The following COL24A1 variants were observed in gnomAD, a reference collection of about 807,000 sequenced individuals.
COL24A1 encodes collagen alpha-1(XXIV) chain.
Under a neutral mutation model 253.9 loss-of-function variants are expected in COL24A1, and 224 were observed. The observed-to-expected ratio is 0.88, with a 90% CI of 0.79 to 0.99. The LOEUF (loss-of-function observed/expected upper bound fraction) is 0.99. Ranked by LOEUF, COL24A1 falls within the 50% of genes least tolerant of loss-of-function variation. The pLI, the probability that COL24A1 is intolerant of heterozygous loss-of-function variation, is 0.00. For synonymous variants in COL24A1, 685 were observed against 673.7 expected, an observed-to-expected ratio of 1.02 and a Z score of -0.26; for missense variants, 2,131 against 2,068.5, an observed-to-expected ratio of 1.03 and a Z score of -0.59.
chr1:85,933,620 C>G (rs1259328233), intron 24 of COL24A1, among the ~76,000 whole-genome samples: 1 of 152,168 alleles, frequency 6.6e-6, no homozygotes. Flanking sequence ...GGTGCTGTGA[C>G]TTATTCTCAT....
At chr1:85,954,889 T>C (rs975785046) in intron 24 of COL24A1, among the ~76,000 whole-genome samples, 3 of 152,194 alleles carry the variant, frequency 2.0e-5, no homozygotes, top group Non-Finnish European at 2.9e-5. Context: ...TCTTCCTGCA[T>C]GGCTGAATGG....
intron 41 of COL24A1, 80 bp from the exon 42 acceptor site, chr1:85,841,358 T>C (rs1452694834): frequency 7.1e-6 from 7 of 986,404 alleles, no homozygotes; most frequent in African/African-American, 3.4e-5. Flanking sequence ...TATTTTTAAG[T>C]ATATTAGAAA....
intron 7 of COL24A1, among the ~76,000 whole-genome samples, chr1:86,085,173 T>A (rs1702971349): frequency 6.6e-6 from 1 of 152,196 alleles, no homozygotes; most frequent in Admixed American, 6.5e-5. Context: ...AAGAACTGCA[T>A]ACTTTTGGGG....
chr1:86,081,470 GT>G (rs1702636708), intron 7 of COL24A1, among the ~76,000 whole-genome samples: 1 of 152,062 alleles, frequency 6.6e-6, no homozygotes, highest in Non-Finnish European at 1.5e-5. Flanking sequence ...CCAGCTATTT[GT>G]TTTAAAATTC....
rs565581585 is a variant in COL24A1 at position 86,029,634 on chromosome 1, G to A, written c.2049+2244C>T. Reference sequence around the variant, plus strand: ...TGATTTTTTTTTTTTTTTTTTTAGAGAGATGGGGTCTTGCTTCATCACCTA... The same window carrying A: ...TGATTTTTTTTTTTTTTTTTTTAGAAAGATGGGGTCTTGCTTCATCACCTA... On this transcript the variant is annotated intron_variant, in intron 14 of 59. Transcript: ENST00000370571. Among the ~76,000 whole-genome samples the A allele has an allele frequency of 5.1e-5, 7 of 136,480 alleles. No individual in the cohort carries two copies. In the South Asian group the frequency reaches 1.7e-3, roughly 33 times the overall value. 89.5% of individuals were successfully genotyped at this position (136,480 alleles called of 152,430 possible).
At chr1:85,957,298 G>A (rs1445670139) in intron 24 of COL24A1, among the ~76,000 whole-genome samples, 1 of 152,060 alleles carries the variant, frequency 6.6e-6, no homozygotes, top group Admixed American at 6.6e-5. Context: ...CATGGCACAT[G>A]TATACCTATG....
intron 24 of COL24A1, among the ~76,000 whole-genome samples, chr1:85,920,331 T>C (rs1355999701): frequency 6.6e-6 from 1 of 152,188 alleles, no homozygotes; most frequent in Non-Finnish European, 1.5e-5. Flanking sequence ...GCAGAGGGAA[T>C]GTTTTGAGCT....
chr1:86,034,566 TTAAA>T, intron 12 of COL24A1, among the ~76,000 whole-genome samples: 1 of 152,250 alleles, frequency 6.6e-6, no homozygotes, highest in African/African-American at 2.4e-5. Context: ...ACTGAATACT[TTAAA>T]TCATCATTCC....
At chr1:86,030,252 A>G (rs1276093409) in intron 14 of COL24A1, 1 of 152,232 alleles carries the variant, frequency 6.6e-6, no homozygotes, top group Non-Finnish European at 1.5e-5. Flanking sequence ...CCTTAGCAAG[A>G]ATTTCCACTC....
chr1:86,105,448 C>T (rs1301014163), intron 5 of COL24A1, among the ~76,000 whole-genome samples: 1 of 152,156 alleles, frequency 6.6e-6, no homozygotes, highest in Admixed American at 6.5e-5. Context: ...GATGCGGGCC[C>T]CCAGGGCCCC....
chr1:85,787,804 C>G (rs1435639558), intron 47 of COL24A1, among the ~76,000 whole-genome samples: 1 of 152,166 alleles, frequency 6.6e-6, no homozygotes, highest in Non-Finnish European at 1.5e-5. Context: ...GAGGAATCAC[C>G]ACACTGTCTT....
chr1:85,908,540 T>C, intron 27 of COL24A1, 58 bp downstream of exon 27: 1 of 949,382 alleles, frequency 1.1e-6, no homozygotes, highest in Non-Finnish European at 1.6e-6. Flanking sequence ...TAACAATTTA[T>C]GAGTTTAAAT....
chr1:86,006,535 G>A (rs1471817459), intron 19 of COL24A1, among the ~76,000 whole-genome samples: 1 of 152,140 alleles, frequency 6.6e-6, no homozygotes, highest in Non-Finnish European at 1.5e-5. Flanking sequence ...CAGACCTAAT[G>A]TAAAATGCAA....
chr1:85,883,835 A>T (rs755347104), intron 32 of COL24A1: 1 of 152,154 alleles, frequency 6.6e-6, no homozygotes, highest in Non-Finnish European at 1.5e-5. Flanking sequence ...CCACTTCATG[A>T]GTAGTGCCAA....
rs77484331 is a variant in COL24A1 at position 85,824,730 on chromosome 1, G to C, written c.3682-992C>G. On this transcript the variant is annotated intron_variant, in intron 43 of 59. Coordinates refer to ENST00000370571, the MANE Select transcript of COL24A1 (RefSeq NM_152890.7). ...CAACCCAGAAGCGTGTCAGATGAGA[G>C]TTATGCAGGAATAATTCTGCGTGTA... Among the ~76,000 whole-genome samples, 509 of 152,180 alleles carry C rather than the reference G, an allele frequency of 3.3e-3. 9 individuals carry two copies. The East Asian group carries it at 0.039, about 12-fold the overall frequency.
At chr1:86,097,113 TTACAG>T (rs1307394430) in intron 5 of COL24A1, among the ~76,000 whole-genome samples, 1 of 151,970 alleles carries the variant, frequency 6.6e-6, no homozygotes, top group Non-Finnish European at 1.5e-5. Context: ...ATAATTTCCA[TTACAG>T]TAAACATACT....
At chr1:85,933,515 C>T (rs1381007623) in intron 24 of COL24A1, among the ~76,000 whole-genome samples, 1 of 152,178 alleles carries the variant, frequency 6.6e-6, no homozygotes, top group Non-Finnish European at 1.5e-5. Context: ...CTTTCCTACA[C>T]TTGGAATGCT....
At chr1:86,095,855 A>G (rs1703856302) in intron 5 of COL24A1, among the ~76,000 whole-genome samples, 1 of 152,080 alleles carries the variant, frequency 6.6e-6, no homozygotes, top group African/African-American at 2.4e-5. Flanking sequence ...CTGATCTGCT[A>G]GAGTTTAAAA....
chr1:86,132,958 G>C lies in COL24A1; in HGVS notation c.122-6744C>G, dbSNP rs566663605. Among the ~76,000 whole-genome samples the C allele has an allele frequency of 7.2e-5, 11 of 152,198 alleles. No individual in the cohort carries two copies. The East Asian group carries it at 1.9e-3, about 27-fold the overall frequency. ...TTGAATCTGTAAATTACCTTGGGCA[G>C]TATGGCCCTTTTTCACGATATTGAT... On this transcript the variant is annotated intron_variant, in intron 2 of 59. Coordinates refer to ENST00000370571, the MANE Select transcript of COL24A1 (RefSeq NM_152890.7).
Sources: allele counts gnomAD v4.1 joint callset (sites outside exome capture counted in the v4.1 genomes callset), GRCh38; gene constraint gnomAD v4.1.1; transcripts MANE v1.5; gene names NCBI Gene and HGNC (gene_info 2026-07-23, HGNC 2026-07-21).